The following ANO3 variants were observed in gnomAD, a reference collection of about 807,000 sequenced individuals.
ANO3 encodes the protein anoctamin 3, also known as anoctamin-3.
In ANO3, 99 loss-of-function variants were observed where a neutral mutation model predicts 144.8. The observed-to-expected ratio is 0.68, with a 90% CI of 0.58 to 0.81. The LOEUF (loss-of-function observed/expected upper bound fraction) is 0.81. ANO3 is among the 30% of genes least tolerant of loss of function. ANO3 has a pLI of 0.00. For synonymous variants in ANO3, 414 were observed against 392.6 expected, an observed-to-expected ratio of 1.05 and a Z score of -0.64; for missense variants, 905 against 1,202.2, an observed-to-expected ratio of 0.75 and a Z score of 3.66.
At chr11:26,528,447 T>G (rs1336347229) in intron 7 of ANO3, among the ~76,000 whole-genome samples, 1 of 152,184 alleles carries the variant, frequency 6.6e-6, no homozygotes, top group Non-Finnish European at 1.5e-5. Context: ...ACATCACAAA[T>G]GATGGTCTGA....
At chr11:26,307,810 T>C (rs972588537), upstream of ANO3, among the ~76,000 whole-genome samples, 1 of 151,660 alleles carries the variant, frequency 6.6e-6, no homozygotes, top group African/African-American at 2.4e-5. Flanking sequence ...CATCACATGA[T>C]TGAATTGCAC....
intron 26 of ANO3, among the ~76,000 whole-genome samples, chr11:26,659,065 C>A (rs536572484): frequency 1.4e-5 from 2 of 145,390 alleles, no homozygotes; most frequent in South Asian, 2.3e-4. Context: ...CTATGACAAG[C>A]AATCCTTGAG....
At chr11:26,630,250 T>C (rs1196809811) in intron 18 of ANO3, among the ~76,000 whole-genome samples, 2 of 152,252 alleles carry the variant, frequency 1.3e-5, no homozygotes, top group Admixed American at 1.3e-4. Flanking sequence ...ATATAATTAA[T>C]TGTAAAAACC....
At chr11:26,507,201 C>G (rs1861469114) in intron 4 of ANO3, among the ~76,000 whole-genome samples, 2 of 152,144 alleles carry the variant, frequency 1.3e-5, no homozygotes, top group South Asian at 4.1e-4. Context: ...ATCAATAAAG[C>G]TGATTTATTA....
chr11:26,421,998 A>G (rs1857766329), intron 1 of ANO3, among the ~76,000 whole-genome samples: 1 of 152,038 alleles, frequency 6.6e-6, no homozygotes, highest in Non-Finnish European at 1.5e-5. Flanking sequence ...ACTAATGGGT[A>G]CTAGGCTTAA....
At chr11:26,223,602 TAAAAAA>T (rs58028308) in intron 1 of ANO3, among the ~76,000 whole-genome samples, 11 of 103,882 alleles carry the variant, frequency 1.1e-4, no homozygotes, top group East Asian at 2.6e-4. Context: ...AGCTTTTTAA[TAAAAAA>T]AAAAAAAAAA....
chr11:26,226,867 A>G (rs988882994), intron 1 of ANO3, among the ~76,000 whole-genome samples: 4 of 152,148 alleles, frequency 2.6e-5, no homozygotes, highest in Admixed American at 1.3e-4. Flanking sequence ...TTGTACAGCC[A>G]TCACCATCAT....
chr11:26,257,776 AAAGAT>A (rs1853093254), intron 1 of ANO3, among the ~76,000 whole-genome samples: 1 of 136,024 alleles, frequency 7.4e-6, no homozygotes, highest in Non-Finnish European at 1.6e-5. Flanking sequence ...CATGGAAAAC[AAAGAT>A]AAGCGACATT....
At chr11:26,327,635 G>A (rs561646368), upstream of ANO3, among the ~76,000 whole-genome samples, 1 of 152,326 alleles carries the variant, frequency 6.6e-6, no homozygotes, top group South Asian at 2.1e-4. Flanking sequence ...CCCTTGAATG[G>A]TAAAGCAGTG....
intron 1 of ANO3, among the ~76,000 whole-genome samples, chr11:26,418,309 T>C (rs1857651286): frequency 6.6e-6 from 1 of 152,140 alleles, no homozygotes; most frequent in African/African-American, 2.4e-5. Flanking sequence ...GTTGAGTTAC[T>C]GATTTTACCA....
At chr11:26,244,116 GAAAAA>G (rs755726181) in intron 1 of ANO3, among the ~76,000 whole-genome samples, 2 of 94,690 alleles carry the variant, frequency 2.1e-5, no homozygotes, top group Admixed American at 1.2e-4. Context: ...GACTCTGTCT[GAAAAA>G]AAAAAAAAAA....
intron 4 of ANO3, among the ~76,000 whole-genome samples, chr11:26,471,684 G>A (rs1389143891): frequency 6.6e-6 from 1 of 151,916 alleles, no homozygotes; most frequent in Non-Finnish European, 1.5e-5. Flanking sequence ...GTCATGACAT[G>A]AGACGATTTA....
At chr11:26,414,718 T>C (rs1205213844) in intron 1 of ANO3, among the ~76,000 whole-genome samples, 2 of 146,094 alleles carry the variant, frequency 1.4e-5, no homozygotes, top group South Asian at 2.2e-4. Flanking sequence ...GTAAGAAACC[T>C]GCATGTTCTG....
chr11:26,361,969 T>C (rs1042027303), intron 1 of ANO3, among the ~76,000 whole-genome samples: 3 of 152,200 alleles, frequency 2.0e-5, no homozygotes, highest in African/African-American at 7.2e-5. Context: ...TATGGATTCA[T>C]GGATTCAGGG....
intron 4 of ANO3, among the ~76,000 whole-genome samples, chr11:26,465,103 T>G (rs1471278745): frequency 6.7e-6 from 1 of 150,368 alleles, no homozygotes; most frequent in African/African-American, 2.4e-5. Context: ...GGCCTTTCTC[T>G]TATTATACCC....
In ANO3 at chr11:26,553,229, TGTTTTTG is replaced by T. The variant is rs761060245; in HGVS notation, c.1290-19_1290-13del. Reference sequence around the variant, plus strand: ...TTCATGCTATGTTTTGTTTTGTTTTTGTTTTTGTTTTTTCTCAAGCCAAGAAATTTGT... The same window carrying T: ...TTCATGCTATGTTTTGTTTTGTTTTTTTTTTTCTCAAGCCAAGAAATTTGT... On this transcript the variant is annotated splice_polypyrimidine_tract_variant and intron_variant, in intron 12 of 26. Coordinates refer to ENST00000256737, the MANE Select transcript of ANO3 (RefSeq NM_031418.4). 17 of 1,323,028 alleles carry T rather than the reference TGTTTTTG, an allele frequency of 1.3e-5. 2 individuals carry two copies. Among genetic ancestry groups the T allele is most frequent in the South Asian group, 2.5e-5 (2 of 79,792 alleles). 82.0% of individuals were successfully genotyped at this position (1,323,028 alleles called of 1,614,324 possible). A position where few individuals can be genotyped will look rare whatever the true frequency, so the allele number is the denominator to read the frequency against.
chr11:26,622,480 C>T (rs943370609), intron 17 of ANO3, among the ~76,000 whole-genome samples: 1 of 150,422 alleles, frequency 6.6e-6, no homozygotes, highest in African/African-American at 2.4e-5. Flanking sequence ...GTGGTGTGTA[C>T]CTGTAGTTAT....
At chr11:26,526,420 C>G (rs1348211569) in intron 7 of ANO3, among the ~76,000 whole-genome samples, 1 of 152,168 alleles carries the variant, frequency 6.6e-6, no homozygotes, top group South Asian at 2.1e-4. Context: ...TGCCAAAGAA[C>G]CAGTTAACAA....
intron 1 of ANO3, among the ~76,000 whole-genome samples, chr11:26,384,492 A>G (rs1856671917): frequency 6.6e-6 from 1 of 152,184 alleles, no homozygotes; most frequent in Non-Finnish European, 1.5e-5. Flanking sequence ...CTTAAAGAGG[A>G]GTAAATGAAA....
Sources: allele counts gnomAD v4.1 joint callset (sites outside exome capture counted in the v4.1 genomes callset), GRCh38; gene constraint gnomAD v4.1.1; transcripts MANE v1.5; gene names NCBI Gene and HGNC (gene_info 2026-07-23, HGNC 2026-07-21).